The following AK8 variants were observed in gnomAD, a reference collection of about 807,000 sequenced individuals.
AK8 encodes ATP-AMP transphosphorylase 8.
In AK8, 44 loss-of-function variants were observed where a neutral mutation model predicts 54.6. The ratio of observed to expected loss-of-function variants is 0.81; its 90% CI spans 0.63 to 1.04. The LOEUF is 1.04. Ranked by LOEUF, AK8 falls within the 50% of genes least tolerant of loss-of-function variation. The probability of loss-of-function intolerance (pLI) is 0.00; values close to 1 mark genes in which losing one functional copy is unlikely to be tolerated. For missense variants in AK8, 555 were observed against 613.6 expected, an observed-to-expected ratio of 0.90 and a Z score of 1.01; for synonymous variants, 239 against 245.6, an observed-to-expected ratio of 0.97 and a Z score of 0.25.
At chr9:132,761,625 A>G (rs1021561688) in intron 11 of AK8, among the ~76,000 whole-genome samples, 3 of 151,920 alleles carry the variant, frequency 2.0e-5, no homozygotes, top group Non-Finnish European at 4.4e-5. Flanking sequence ...TGTTTTATCT[A>G]TGTTTCCAAA....
chr9:132,736,240 G>A (rs1837105451), intron 11 of AK8, among the ~76,000 whole-genome samples: 1 of 147,220 alleles, frequency 6.8e-6, no homozygotes, highest in Non-Finnish European at 1.5e-5. Flanking sequence ...AGTCTGGAGT[G>A]GAATGGCGCA....
intron 1 of AK8, among the ~76,000 whole-genome samples, chr9:132,877,349 A>G (rs1410047078): frequency 6.6e-6 from 1 of 152,194 alleles, no homozygotes; most frequent in Non-Finnish European, 1.5e-5. Flanking sequence ...TGCAGGGCAG[A>G]ACCTCAAATG....
At chr9:132,841,645 G>A (rs978328670) in intron 5 of AK8, among the ~76,000 whole-genome samples, 4 of 152,176 alleles carry the variant, frequency 2.6e-5, no homozygotes, top group Non-Finnish European at 4.4e-5. Context: ...TGGCCTGTGG[G>A]ACGTCAACCA....
At chr9:132,814,235 C>T (rs1841209078) in intron 10 of AK8, among the ~76,000 whole-genome samples, 1 of 131,568 alleles carries the variant, frequency 7.6e-6, no homozygotes, top group African/African-American at 2.9e-5. Flanking sequence ...GCTGAGACTG[C>T]ACCACTGCAC....
chr9:132,803,650 G>A lies in AK8; in HGVS notation c.980-10875C>T, dbSNP rs1357399631. ...GGAGCTCTGAGGGGGCGCATGGCTT[G>A]CCCAGGAGCACAGCTGGGAGGAAGC... On this transcript the variant is annotated intron_variant, in intron 10 of 12. Coordinates refer to ENST00000298545, the MANE Select transcript of AK8 (RefSeq NM_152572.3). This position sits in a 1 kb window ranked among gnomAD's most constrained non-coding sequence, Gnocchi z 4.4. 6.6e-6 allele frequency among the ~76,000 whole-genome samples: 1 copy of A among 152,160 alleles called. No homozygotes were observed. Among genetic ancestry groups the A allele is most frequent in the Non-Finnish European group, 1.5e-5 (1 of 68,026 alleles).
intron 4 of AK8, among the ~76,000 whole-genome samples, chr9:132,859,433 A>G (rs1191900683): frequency 1.3e-5 from 2 of 152,010 alleles, no homozygotes; most frequent in Non-Finnish European, 2.9e-5. Flanking sequence ...GAGACAGAGA[A>G]AAAAAAGAAA....
At chr9:132,743,336 CGTCACTG>C (rs1211756637) in intron 11 of AK8, among the ~76,000 whole-genome samples, 6 of 152,236 alleles carry the variant, frequency 3.9e-5, no homozygotes, top group Admixed American at 3.9e-4. Context: ...TGCATCTCCT[CGTCACTG>C]GTCACTGGAA....
At chr9:132,807,102 C>A (rs147852738) in intron 10 of AK8, among the ~76,000 whole-genome samples, 12 of 152,112 alleles carry the variant, frequency 7.9e-5, no homozygotes, top group African/African-American at 2.7e-4. Flanking sequence ...GTCTTCCCTC[C>A]TGACAATAAG....
intron 11 of AK8, among the ~76,000 whole-genome samples, chr9:132,733,481 C>A (rs1043494535): frequency 6.6e-6 from 1 of 152,214 alleles, no homozygotes; most frequent in Admixed American, 6.5e-5. Flanking sequence ...GACTTTTAAC[C>A]CAGCGTACCA....
intron 5 of AK8, among the ~76,000 whole-genome samples, chr9:132,846,658 C>T (rs372413654): frequency 2.0e-5 from 3 of 152,186 alleles, no homozygotes; most frequent in Non-Finnish European, 4.4e-5. Context: ...CATGGGGACA[C>T]GTTGGGGGCC....
chr9:132,844,712 C>A (rs1396312383), intron 5 of AK8, among the ~76,000 whole-genome samples: 1 of 152,156 alleles, frequency 6.6e-6, no homozygotes, highest in Non-Finnish European at 1.5e-5. Context: ...GTAACAACAG[C>A]GTGGACATGA....
chr9:132,733,461 C>G (rs916416923), intron 11 of AK8, among the ~76,000 whole-genome samples: 3 of 152,232 alleles, frequency 2.0e-5, no homozygotes, highest in Non-Finnish European at 4.4e-5. Flanking sequence ...TAAACAAGCC[C>G]CATTTGAAAG....
chr9:132,772,626 C>G (rs760265821), intron 11 of AK8, among the ~76,000 whole-genome samples: 2 of 152,186 alleles, frequency 1.3e-5, no homozygotes, highest in African/African-American at 4.8e-5. Context: ...GCAGCCCCAG[C>G]AAACCAGTAG....
At chr9:132,785,173 C>T (rs1178715871) in intron 11 of AK8, among the ~76,000 whole-genome samples, 2 of 150,684 alleles carry the variant, frequency 1.3e-5, no homozygotes, top group African/African-American at 4.9e-5. Context: ...GGCGTGCTCT[C>T]GGCTCACTGC....
At chr9:132,755,338 G>A (rs1181769441) in intron 11 of AK8, among the ~76,000 whole-genome samples, 3 of 152,180 alleles carry the variant, frequency 2.0e-5, no homozygotes, top group African/African-American at 7.2e-5. Flanking sequence ...GAGCCACGCT[G>A]GGAGAGAGTG....
chr9:132,735,907 T>C (rs193054449), intron 11 of AK8, among the ~76,000 whole-genome samples: 1 of 152,356 alleles, frequency 6.6e-6, no homozygotes, highest in East Asian at 1.9e-4. Context: ...ATGTGTTGTT[T>C]TGTGAACACC....
intron 11 of AK8, among the ~76,000 whole-genome samples, chr9:132,758,241 G>A (rs543623245): frequency 3.9e-5 from 6 of 152,252 alleles, no homozygotes; most frequent in East Asian, 1.9e-4. Context: ...ACGAATACGC[G>A]GAGCCACACA....
At position 132,827,009 on chromosome 9, in the gene AK8, T is replaced by C; in HGVS notation, c.602A>G (p.Gln201Arg). 6.2e-7 allele frequency: 1 copy of C among 1,614,274 alleles called. No homozygotes were observed. ...GTCCTCTGGCACCATGAGACGGTTC[T>C]GGATTTCAGATTCGGGTGGCCAGTC... Reference protein sequence around the residue: ...TFDWPPESEIQNRLMVPEDIS... With the variant: ...TFDWPPESEIRNRLMVPEDIS... The change falls in exon 8 of 13, where the codon CAG becomes CGG. Residue 201 changes from glutamine to arginine, a missense_variant. Gln to Arg is a conservative substitution (Grantham distance 43). Transcript: ENST00000298545.
intron 5 of AK8, among the ~76,000 whole-genome samples, chr9:132,845,257 A>T (rs905905006): frequency 2.0e-5 from 3 of 152,236 alleles, no homozygotes; most frequent in African/African-American, 7.2e-5. Flanking sequence ...ATACTCAGTC[A>T]ATATATTATT....
Sources: gnomAD v4.1 joint callset for allele counts (sites outside exome capture counted in the v4.1 genomes callset) on GRCh38, gnomAD v4.1.1 for gene constraint, Gnocchi (gnomAD v3.1) non-coding constraint, MANE v1.5 for transcripts, NCBI Gene and HGNC (gene_info 2026-07-23, HGNC 2026-07-21) for gene names.